ZNF804A: variants seen among roughly 807,000 people sequenced by gnomAD.
ZNF804A encodes zinc finger protein 804A.
Under a neutral mutation model 16.5 loss-of-function variants are expected in ZNF804A, and 2 were observed. That is an observed-to-expected ratio of 0.12 (90% CI 0.05 to 0.38). The LOEUF is 0.38. ZNF804A is among the 10% of genes least tolerant of loss of function. The pLI is 0.99. For missense variants in ZNF804A, 1,473 were observed against 1,390.7 expected, an observed-to-expected ratio of 1.06 and a Z score of -0.94; for synonymous variants, 534 against 489.6, an observed-to-expected ratio of 1.09 and a Z score of -1.20.
chr2:184,763,520 A>G (rs1225398144), intron 1 of ZNF804A, among the ~76,000 whole-genome samples: 3 of 151,822 alleles, frequency 2.0e-5, no homozygotes, highest in African/African-American at 7.3e-5. Context: ...CTTTTCTAAC[A>G]GCCCAATGAA....
At chr2:184,735,707 G>A (rs868786481) in intron 1 of ZNF804A, among the ~76,000 whole-genome samples, 2 of 152,146 alleles carry the variant, frequency 1.3e-5, no homozygotes, top group Non-Finnish European at 2.9e-5. Flanking sequence ...TTGCTCTTTA[G>A]CATGACAGTT....
chr2:184,863,824 A>T (rs1451542624), intron 1 of ZNF804A, among the ~76,000 whole-genome samples: 2 of 152,168 alleles, frequency 1.3e-5, no homozygotes, highest in African/African-American at 4.8e-5. Flanking sequence ...ACTAATCCAT[A>T]AAGTATTATT....
At chr2:184,646,705 T>A (rs1204985767) in intron 1 of ZNF804A, among the ~76,000 whole-genome samples, 1 of 152,222 alleles carries the variant, frequency 6.6e-6, no homozygotes, top group Non-Finnish European at 1.5e-5. Context: ...TATACTCTCC[T>A]TGATTAGGAA....
chr2:184,924,974 G>A (rs1051468088), intron 2 of ZNF804A, among the ~76,000 whole-genome samples: 1 of 151,868 alleles, frequency 6.6e-6, no homozygotes, highest in African/African-American at 2.4e-5. Flanking sequence ...GTCTACTCTT[G>A]AGAATGATCC....
chr2:184,891,717 G>C (rs559732759), intron 2 of ZNF804A, among the ~76,000 whole-genome samples: 1 of 151,956 alleles, frequency 6.6e-6, no homozygotes, highest in South Asian at 2.1e-4. Flanking sequence ...CATATTTTTT[G>C]TTTGCTAGTC....
chr2:184,753,571 A>G (rs2105759674), intron 1 of ZNF804A, among the ~76,000 whole-genome samples: 1 of 151,920 alleles, frequency 6.6e-6, no homozygotes, highest in Admixed American at 6.6e-5. Context: ...GCTGCTCTGT[A>G]TTCTCCTGTT....
intron 1 of ZNF804A, among the ~76,000 whole-genome samples, chr2:184,730,305 C>T (rs1164063341): frequency 6.6e-6 from 1 of 151,740 alleles, no homozygotes; most frequent in Non-Finnish European, 1.5e-5. Context: ...CCTGTGTATC[C>T]ATAATTTATT....
chr2:184,600,015 T>C (rs758526360), intron 1 of ZNF804A, among the ~76,000 whole-genome samples: 2 of 152,078 alleles, frequency 1.3e-5, no homozygotes, highest in Non-Finnish European at 2.9e-5. Flanking sequence ...AAAGACAAAG[T>C]AGGGTGGCAA....
chr2:184,852,995 A>G (rs1263592903), intron 1 of ZNF804A, among the ~76,000 whole-genome samples: 5 of 151,722 alleles, frequency 3.3e-5, no homozygotes, highest in Admixed American at 6.6e-5. Flanking sequence ...TTGGAATTGT[A>G]TAATAGAGGT....
At chr2:184,716,063 T>G (rs1693208438) in intron 1 of ZNF804A, among the ~76,000 whole-genome samples, 1 of 152,148 alleles carries the variant, frequency 6.6e-6, no homozygotes, top group Non-Finnish European at 1.5e-5. Flanking sequence ...TTGTAAATAG[T>G]GAGTTGTGTT....
chr2:184,670,311 C>T (rs1220781847), intron 1 of ZNF804A, among the ~76,000 whole-genome samples: 3 of 151,946 alleles, frequency 2.0e-5, no homozygotes, highest in African/African-American at 7.2e-5. Context: ...CAGAGTACCC[C>T]AGTTATTATA....
rs560887173 is a variant in ZNF804A, at chr2:184,777,780, T to G, written c.112-88589T>G. Among the ~76,000 whole-genome samples the G allele has an allele frequency of 9.9e-5, 15 of 151,812 alleles. No homozygotes were observed. In the South Asian group the frequency reaches 2.9e-3, roughly 29 times the overall value. On this transcript the variant is annotated intron_variant, in intron 1 of 3. Transcript: ENST00000302277. The stretch of plus-strand genomic sequence containing the variant: ...AATGTGTTTAGTGGGTTGTTTGTCC[T>G]TTAGAGTTTCCCATAGCCTTTTTAT...
intron 1 of ZNF804A, among the ~76,000 whole-genome samples, chr2:184,841,156 A>G (rs1327021075): frequency 6.6e-6 from 1 of 152,120 alleles, no homozygotes; most frequent in East Asian, 1.9e-4. Context: ...TCTTCTTTAT[A>G]CAAGCCCTAG....
intron 1 of ZNF804A, among the ~76,000 whole-genome samples, chr2:184,795,962 A>G (rs916778005): frequency 1.3e-5 from 2 of 150,548 alleles, no homozygotes; most frequent in Non-Finnish European, 3.0e-5. Context: ...TTTTTTTTAC[A>G]TCTATTGAGA....
rs1036546689 is a variant in ZNF804A at position 184,889,218 on chromosome 2, G to A, written c.255+22706G>A. Among the ~76,000 whole-genome samples the A allele has an allele frequency of 1.1e-4, 17 of 150,718 alleles. 1 individual carries two copies. Among genetic ancestry groups the A allele is most frequent in the Admixed American group, 9.9e-4 (15 of 15,134 alleles). On this transcript the variant is annotated intron_variant, in intron 2 of 3. Coordinates refer to ENST00000302277, the MANE Select transcript of ZNF804A (RefSeq NM_194250.2). Reference sequence around the variant, plus strand: ...GAGTTTCTTTCAGTATTTAAATTTTGGGATACTGATACTTTCTTCAGACTT... The same window carrying A: ...GAGTTTCTTTCAGTATTTAAATTTTAGGATACTGATACTTTCTTCAGACTT...
At chr2:184,677,019 A>G (rs1055240926) in intron 1 of ZNF804A, among the ~76,000 whole-genome samples, 1 of 151,866 alleles carries the variant, frequency 6.6e-6, no homozygotes, top group Non-Finnish European at 1.5e-5. Context: ...AGTTAAAAAC[A>G]TTGAACTTTT....
At chr2:184,732,860 T>G (rs1693541829) in intron 1 of ZNF804A, among the ~76,000 whole-genome samples, 1 of 152,144 alleles carries the variant, frequency 6.6e-6, no homozygotes, top group African/African-American at 2.4e-5. Context: ...CAACTAGCTT[T>G]TCTATATTAA....
At chr2:184,753,799 G>A (rs148449813) in intron 1 of ZNF804A, among the ~76,000 whole-genome samples, 265 of 151,892 alleles carry the variant, frequency 1.7e-3, no homozygotes, top group Middle Eastern at 6.8e-3. Flanking sequence ...GAAGGAAATA[G>A]GTTTATAAGC....
intron 2 of ZNF804A, among the ~76,000 whole-genome samples, chr2:184,929,320 G>T (rs567035010): frequency 2.0e-5 from 3 of 152,118 alleles, no homozygotes. Flanking sequence ...AGTAAATAGT[G>T]AAAGTCCTGG....
Sources: allele counts gnomAD v4.1 joint callset (sites outside exome capture counted in the v4.1 genomes callset), GRCh38; gene constraint gnomAD v4.1.1; transcripts MANE v1.5; gene names NCBI Gene and HGNC (gene_info 2026-07-23, HGNC 2026-07-21).